Variants in PADI2 observed in about 807,000 individuals in gnomAD.
PADI2 encodes the protein peptidyl arginine deiminase 2.
Under a neutral mutation model 81.1 loss-of-function variants are expected in PADI2, and 70 were observed. The ratio of observed to expected loss-of-function variants is 0.86; its 90% CI spans 0.71 to 1.05. PADI2 has a LOEUF of 1.05. Ranked by LOEUF, PADI2 falls within the 50% of genes least tolerant of loss-of-function variation. PADI2 has a pLI of 0.00. For synonymous variants in PADI2, 338 were observed against 358.0 expected (o/e 0.94, Z 0.63); for missense variants, 853 against 889.9 (o/e 0.96, Z 0.53).
chr1:17,073,225 G>A (rs887108916), intron 13 of PADI2, among the ~76,000 whole-genome samples: 2 of 152,066 alleles, frequency 1.3e-5, no homozygotes, highest in African/African-American at 2.4e-5. Context: ...AGACCATCCC[G>A]GCTAACATGG....
At chr1:17,086,816 G>A (rs775387339) in intron 6 of PADI2, 117 bp from the exon 7 acceptor site, 6 of 810,446 alleles carry the variant, frequency 7.4e-6, no homozygotes, top group Non-Finnish European at 9.9e-6. Context: ...AGAGAGAAAA[G>A]CACAAGCAGA....
At chr1:17,101,889 T>C (rs1337604450) in intron 3 of PADI2, among the ~76,000 whole-genome samples, 1 of 152,228 alleles carries the variant, frequency 6.6e-6, no homozygotes, top group African/African-American at 2.4e-5. Flanking sequence ...ATAATAATAA[T>C]ATCTATCCTT....
At position 17,086,643 on chromosome 1, in the gene PADI2, C is replaced by T. The variant is rs1339469792; in HGVS notation, c.712G>A (p.Val238Met). The change falls in exon 7 of 16, where the codon GTG becomes ATG. Residue 238 changes from valine to methionine, a missense_variant. Val to Met is a conservative substitution (Grantham distance 21, BLOSUM62 1). Coordinates refer to ENST00000375486, the MANE Select transcript of PADI2 (RefSeq NM_007365.3). ...GCGGAGCCACCCGTGTACTTGACCA[C>T]ATGGTAGAGCTTCCGCCGGCCCAGG... ...HILGRRKLYH[V>M]VKYTGGSAEL... 2 of 1,614,036 alleles carry T rather than the reference C, an allele frequency of 1.2e-6. No individual in the cohort carries two copies. Among genetic ancestry groups the T allele is most frequent in the Non-Finnish European group, 1.7e-6 (2 of 1,180,028 alleles).
intron 1 of PADI2, among the ~76,000 whole-genome samples, chr1:17,109,266 T>C (rs1482295725): frequency 6.6e-6 from 1 of 151,400 alleles, no homozygotes. Flanking sequence ...CGTGTGCCTG[T>C]AGTCCCAGCT....
At position 17,119,409 on chromosome 1, in the gene PADI2, C is replaced by G; in HGVS notation, c.-38G>C. The G allele has an allele frequency of 6.8e-7, 1 of 1,464,912 alleles. No homozygotes were observed. Among genetic ancestry groups the G allele is most frequent in the South Asian group, 1.3e-5 (1 of 79,062 alleles). 90.7% of individuals were successfully genotyped at this position (1,464,912 alleles called of 1,614,324 possible). On this transcript the variant is annotated 5_prime_UTR_variant, in exon 1 of 16. Transcript: ENST00000375486. This position sits in a 1 kb window ranked among gnomAD's most constrained non-coding sequence, Gnocchi z 4.8. ...AGTGCCCGCGCTCGCTGGTCCGGGG[C>G]GGCCGGGAGCACCTGCAGCAGGTGC...
At chr1:17,095,761 G>C in intron 4 of PADI2, 148 bp downstream of exon 4, 1 of 601,980 alleles carries the variant, frequency 1.7e-6, no homozygotes, top group Non-Finnish European at 3.0e-6. Flanking sequence ...GCTCCTCTGT[G>C]GGTTCCATCA....
chr1:17,071,325 A>G (rs543587625), intron 14 of PADI2, 81 bp downstream of exon 14: 11 of 1,052,960 alleles, frequency 1.0e-5, no homozygotes, highest in Non-Finnish European at 1.5e-5. Flanking sequence ...GCCATTCTCT[A>G]CGGAAGCCCC....
In PADI2 at chr1:17,104,007, C is replaced by G. The variant is rs182025939; in HGVS notation, c.276+871G>C. ...TCTTAAAAACAAACAAACAGGCCGG[C>G]CGCGGTGGCTCACGCCTGTAATCCC... On this transcript the variant is annotated intron_variant, in intron 2 of 15. Coordinates refer to ENST00000375486, the MANE Select transcript of PADI2 (RefSeq NM_007365.3). Among the ~76,000 whole-genome samples the G allele has an allele frequency of 7.1e-3, 1,069 of 149,780 alleles. 14 individuals are homozygous for G. Among genetic ancestry groups the G allele is most frequent in the African/African-American group, 0.024 (974 of 40,750 alleles).
intron 10 of PADI2, among the ~76,000 whole-genome samples, chr1:17,082,253 G>T (rs2101582513): frequency 6.6e-6 from 1 of 152,298 alleles, no homozygotes; most frequent in South Asian, 2.1e-4. Flanking sequence ...CTGCAATTTG[G>T]AGGGGAAGGG....
intron 10 of PADI2, among the ~76,000 whole-genome samples, chr1:17,081,333 C>G (rs2078342754): frequency 6.6e-6 from 1 of 152,220 alleles, no homozygotes; most frequent in Admixed American, 6.5e-5. Flanking sequence ...AGACTGATAT[C>G]ATTTCTATCC....
chr1:17,078,264 A>T (rs907531071), intron 11 of PADI2, among the ~76,000 whole-genome samples: 1 of 151,620 alleles, frequency 6.6e-6, no homozygotes, highest in Non-Finnish European at 1.5e-5. Context: ...GGCATGTGCC[A>T]CCACGCCCGG....
intron 3 of PADI2, among the ~76,000 whole-genome samples, chr1:17,098,572 T>G (rs2746506): frequency 6.6e-6 from 1 of 152,232 alleles, no homozygotes; most frequent in Non-Finnish European, 1.5e-5. Flanking sequence ...ACCTCTCTCA[T>G]GCTTATTGCG....
intron 7 of PADI2, among the ~76,000 whole-genome samples, chr1:17,086,195 C>T (rs916202809): frequency 2.6e-5 from 4 of 152,146 alleles, no homozygotes; most frequent in Non-Finnish European, 5.9e-5. Flanking sequence ...CTTAGAGCCT[C>T]GCGCTAATCA....
intron 6 of PADI2, among the ~76,000 whole-genome samples, chr1:17,091,413 T>C (rs1029970447): frequency 3.3e-5 from 5 of 151,772 alleles, no homozygotes; most frequent in Admixed American, 2.6e-4. Flanking sequence ...ATTATGACAG[T>C]CCCTTGCATA....
chr1:17,079,496 C>T (rs1392127065), intron 10 of PADI2, 81 bp from the exon 11 acceptor site: 5 of 1,241,810 alleles, frequency 4.0e-6, no homozygotes, highest in Non-Finnish European at 5.7e-6. Context: ...CTTTTATCAC[C>T]TTCAGTCTGG....
intron 6 of PADI2, among the ~76,000 whole-genome samples, chr1:17,088,925 A>ACAAAC (rs1553182380): frequency 2.4e-5 from 2 of 83,360 alleles, no homozygotes; most frequent in Admixed American, 2.5e-4. Flanking sequence ...AAAAAAAAAA[A>ACAAAC]AAAAAACCAA....
chr1:17,112,528 G>A (rs976637451), intron 1 of PADI2, among the ~76,000 whole-genome samples: 1 of 151,930 alleles, frequency 6.6e-6, no homozygotes, highest in Admixed American at 6.5e-5. Flanking sequence ...GAGTCTGGGG[G>A]GGGGAGTCGT....
At position 17,075,672 on chromosome 1, in the gene PADI2, A is replaced by G; in HGVS notation, c.1455+7T>C. ...CCATTCACTCCAGCCTCGGGAGGCT[A>G]GCTTACCTTTGTGCCGGGGATGGGG... On this transcript the variant is annotated splice_region_variant and intron_variant, in intron 12 of 15. Coordinates refer to ENST00000375486, the MANE Select transcript of PADI2 (RefSeq NM_007365.3). 1 of 1,609,210 alleles carries G rather than the reference A, an allele frequency of 6.2e-7. No homozygotes were observed. Among genetic ancestry groups the G allele is most frequent in the Non-Finnish European group, 8.5e-7 (1 of 1,178,066 alleles).
At chr1:17,109,460 C>T (rs1931499744) in intron 1 of PADI2, among the ~76,000 whole-genome samples, 1 of 146,954 alleles carries the variant, frequency 6.8e-6, no homozygotes, top group African/African-American at 2.5e-5. Context: ...CCCTCCCCAC[C>T]TTAACCAGAG....
Sources: allele counts gnomAD v4.1 joint callset (sites outside exome capture counted in the v4.1 genomes callset), GRCh38; gene constraint gnomAD v4.1.1; non-coding constraint Gnocchi (gnomAD v3.1); transcripts MANE v1.5; gene names NCBI Gene and HGNC (gene_info 2026-07-23, HGNC 2026-07-21).